Variants in SYT16 observed in about 807,000 individuals in gnomAD.
SYT16 encodes synaptotagmin-16.
SYT16 carries 42 observed loss-of-function variants against 61.4 expected under a neutral mutation model. The observed-to-expected ratio is 0.68, with a 90% CI of 0.53 to 0.89. The LOEUF is 0.89. Ranked by LOEUF, SYT16 falls within the 40% of genes least tolerant of loss-of-function variation. The pLI, the probability that SYT16 is intolerant of heterozygous loss-of-function variation, is 0.00. For synonymous variants in SYT16, 314 were observed against 302.3 expected (o/e 1.04, Z -0.40); for missense variants, 804 against 807.3 (o/e 1.00, Z 0.05).
chr14:61,895,855 A>G (rs1165096050), intron 1 of SYT16, among the ~76,000 whole-genome samples: 1 of 152,192 alleles, frequency 6.6e-6, no homozygotes, highest in African/African-American at 2.4e-5. Flanking sequence ...CTGCATTTTT[A>G]GGTAAATATT....
In SYT16 at chr14:62,110,250, T is replaced by G. The variant is rs1306113082; in HGVS notation, c.*9543T>G. On this transcript the variant is annotated 3_prime_UTR_variant, in exon 8 of 8. Transcript: ENST00000683842. ...CTCTAAAATGAATATCAAGTCACAATTTTTTCAAGCCTTCATTGTTGCATC... is the reference window on the plus strand; with the variant it reads ...CTCTAAAATGAATATCAAGTCACAAGTTTTTCAAGCCTTCATTGTTGCATC... 1 of 152,146 alleles carries G rather than the reference T, an allele frequency of 6.6e-6. No homozygotes were observed. The highest frequency in any genetic ancestry group is 1.5e-5 in the Non-Finnish European group (1 of 67,998). The allele number at this position is 152,146 out of a possible 1,614,324, so 9.4% of individuals were successfully genotyped here. A position where few individuals can be genotyped will look rare whatever the true frequency, so the allele number is the denominator to read the frequency against.
intron 6 of SYT16, 112 bp downstream of exon 6, chr14:62,081,386 T>G: frequency 8.3e-7 from 1 of 1,207,724 alleles, no homozygotes; most frequent in South Asian, 1.6e-5. Context: ...AATTTAATTT[T>G]CCATTTGGCT....
At chr14:62,072,902 G>A (rs2056351450) in intron 4 of SYT16, among the ~76,000 whole-genome samples, 1 of 152,168 alleles carries the variant, frequency 6.6e-6, no homozygotes, top group Admixed American at 6.5e-5. Flanking sequence ...AATAAATTTG[G>A]TTGATGTGAC....
At chr14:61,904,769 C>A (rs757713781) in intron 1 of SYT16, among the ~76,000 whole-genome samples, 2 of 152,212 alleles carry the variant, frequency 1.3e-5, no homozygotes, top group African/African-American at 4.8e-5. Context: ...GCCTTTGGCC[C>A]ACTTTTGTCA....
chr14:62,062,101 C>T (rs2055853361), intron 3 of SYT16, among the ~76,000 whole-genome samples: 1 of 152,138 alleles, frequency 6.6e-6, no homozygotes, highest in African/African-American at 2.4e-5. Context: ...CTATTTGACT[C>T]ACTCATATTT....
rs2057477464 is a variant in SYT16, at chr14:62,104,361, A to G, written c.*3654A>G. 6.6e-6 allele frequency: 1 copy of G among 152,240 alleles called. No individual in the cohort carries two copies. Among genetic ancestry groups the G allele is most frequent in the Non-Finnish European group, 1.5e-5 (1 of 68,030 alleles). 9.4% of individuals were successfully genotyped at this position (152,240 alleles called of 1,614,324 possible). On this transcript the variant is annotated 3_prime_UTR_variant, in exon 8 of 8. Transcript: ENST00000683842. ...TTTTACTTTTGAGGAAACTGTGGTT[A>G]AAGAACATTCTATTCTATTTGATCT... is the stretch of plus-strand genomic sequence containing the variant.
intron 1 of SYT16, among the ~76,000 whole-genome samples, chr14:61,934,191 T>C (rs1352923338): frequency 1.3e-5 from 2 of 152,236 alleles, no homozygotes; most frequent in East Asian, 1.9e-4. Context: ...CACATAGATA[T>C]ACTATCATTT....
Position 61,998,489 on chromosome 14 carries a change from C to T in SYT16, c.523+1947C>T, listed in dbSNP as rs534400714. 2.6e-5 allele frequency among the ~76,000 whole-genome samples: 4 copies of T among 152,038 alleles called. No homozygotes were observed. In the South Asian group the frequency reaches 6.2e-4, roughly 24 times the overall value. On this transcript the variant is annotated intron_variant, in intron 3 of 7. Coordinates refer to ENST00000683842, the MANE Select transcript of SYT16 (RefSeq NM_001367656.1). Reference sequence around the variant, plus strand: ...CCAGCTTCTTTCACCTACCATAACGCGTTTGAGATTCATCCATGGTGTTGT... The same window carrying T: ...CCAGCTTCTTTCACCTACCATAACGTGTTTGAGATTCATCCATGGTGTTGT...
intron 1 of SYT16, among the ~76,000 whole-genome samples, chr14:61,858,060 A>G (rs994267132): frequency 4.1e-5 from 6 of 147,620 alleles, no homozygotes; most frequent in African/African-American, 1.5e-4. Context: ...TATCCACTTC[A>G]CAGTGTAAGC....
chr14:61,838,862 T>A (rs759805259), intron 1 of SYT16, among the ~76,000 whole-genome samples: 1 of 152,138 alleles, frequency 6.6e-6, no homozygotes, highest in Non-Finnish European at 1.5e-5. Flanking sequence ...CATGCCCCAT[T>A]GTGTTTGATG....
At chr14:61,833,906 T>C (rs960233816) in intron 1 of SYT16, among the ~76,000 whole-genome samples, 1 of 150,868 alleles carries the variant, frequency 6.6e-6, no homozygotes, top group Non-Finnish European at 1.5e-5. Flanking sequence ...TTTTTCCCTG[T>C]GGAGTCCCAT....
In SYT16 at chr14:62,002,878, T is replaced by A. The variant is rs1169981920; in HGVS notation, c.523+6336T>A. On this transcript the variant is annotated intron_variant, in intron 3 of 7. Coordinates refer to ENST00000683842, the MANE Select transcript of SYT16 (RefSeq NM_001367656.1). ...TGGAGAGGCCTCAGGAAACTTAAAG[T>A]CATGGTGGAAGGGGAAGCAAATGTA... 3.3e-5 allele frequency among the ~76,000 whole-genome samples: 5 copies of A among 152,180 alleles called. No individual in the cohort carries two copies. In the East Asian group the frequency reaches 9.7e-4, roughly 29 times the overall value.
At chr14:62,011,531 C>G (rs2053449153) in intron 3 of SYT16, among the ~76,000 whole-genome samples, 1 of 152,134 alleles carries the variant, frequency 6.6e-6, no homozygotes, top group African/African-American at 2.4e-5. Flanking sequence ...TTCTGATTGG[C>G]CAGGCCTAAG....
chr14:61,847,829 C>T (rs1455930206), intron 1 of SYT16, among the ~76,000 whole-genome samples: 1 of 152,120 alleles, frequency 6.6e-6, no homozygotes, highest in Admixed American at 6.6e-5. Context: ...TTGATTAATT[C>T]TGCTGTTAAG....
intron 1 of SYT16, among the ~76,000 whole-genome samples, chr14:61,962,159 A>T (rs370769533): frequency 2.0e-5 from 3 of 152,088 alleles, no homozygotes; most frequent in African/African-American, 7.2e-5. Flanking sequence ...AAAACCACCT[A>T]TTGGATACTA....
chr14:61,953,348 G>A (rs976301625), intron 1 of SYT16, among the ~76,000 whole-genome samples: 1 of 152,072 alleles, frequency 6.6e-6, no homozygotes, highest in African/African-American at 2.4e-5. Flanking sequence ...GATTATGCTG[G>A]TCAAAGCAAG....
chr14:62,048,783 G>A (rs961797506), intron 3 of SYT16, among the ~76,000 whole-genome samples: 2 of 152,060 alleles, frequency 1.3e-5, no homozygotes, highest in Non-Finnish European at 2.9e-5. Flanking sequence ...GTATTTGAGG[G>A]GTTTTGAGTG....
intron 2 of SYT16, among the ~76,000 whole-genome samples, chr14:61,972,055 G>T (rs1455419991): frequency 6.6e-6 from 1 of 152,172 alleles, no homozygotes; most frequent in Admixed American, 6.5e-5. Context: ...ATGAACTTCA[G>T]TTTCCTTGTT....
At chr14:61,931,666 T>G (rs527764935) in intron 1 of SYT16, among the ~76,000 whole-genome samples, 1 of 152,334 alleles carries the variant, frequency 6.6e-6, no homozygotes, top group East Asian at 1.9e-4. Flanking sequence ...TTAGGTTGTT[T>G]CCATTTTTTC....
Sources: allele counts gnomAD v4.1 joint callset (sites outside exome capture counted in the v4.1 genomes callset), GRCh38; gene constraint gnomAD v4.1.1; transcripts MANE v1.5; gene names NCBI Gene and HGNC (gene_info 2026-07-23, HGNC 2026-07-21).